The following SYCP2 variants were observed in gnomAD, a reference collection of about 807,000 sequenced individuals.
SYCP2 encodes synaptonemal complex protein 2, also known as synaptonemal complex lateral element protein.
SYCP2 carries 55 observed loss-of-function variants against 211.3 expected under a neutral mutation model. That is an observed-to-expected ratio of 0.26 (90% confidence interval 0.21 to 0.33). SYCP2 has a LOEUF of 0.33. Among genes scored for constraint, SYCP2 ranks in the 10% least tolerant of loss-of-function variants. The pLI is 1.00. For missense variants in SYCP2, 1,731 were observed against 1,752.0 expected, an observed-to-expected ratio of 0.99 and a Z score of 0.21; for synonymous variants, 570 against 555.2, an observed-to-expected ratio of 1.03 and a Z score of -0.37.
chr20:59,914,741 C>T (rs2060402044), intron 10 of SYCP2, among the ~76,000 whole-genome samples: 1 of 151,766 alleles, frequency 6.6e-6, no homozygotes, highest in Admixed American at 6.6e-5. Flanking sequence ...ACAAATCCAT[C>T]AATATGAAGA....
chr20:59,930,506 C>T (rs563039296), intron 2 of SYCP2, among the ~76,000 whole-genome samples: 19 of 152,194 alleles, frequency 1.2e-4, no homozygotes, highest in Non-Finnish European at 2.2e-4. Flanking sequence ...CATCTTCTTC[C>T]TTCTCTTTTT....
rs1444605068 is a variant in SYCP2 at position 59,898,290 on chromosome 20, T to C, written c.1405-1762A>G. Among the ~76,000 whole-genome samples the C allele has an allele frequency of 2.0e-5, 3 of 152,288 alleles. No homozygotes were observed. In the East Asian group the frequency reaches 5.8e-4, roughly 29 times the overall value. ...CACAGGTATGTTTATTGCAGCATTA[T>C]TCACAATAGCAAAGACTTAGAACCA... On this transcript the variant is annotated intron_variant, in intron 18 of 44. Transcript: ENST00000357552.
intron 31 of SYCP2, among the ~76,000 whole-genome samples, chr20:59,879,903 TAC>T (rs749399882): frequency 3.4e-5 from 5 of 147,026 alleles, no homozygotes; most frequent in African/African-American, 7.4e-5. Flanking sequence ...ATTTATTTTA[TAC>T]ACACACACAC....
At chr20:59,883,637 T>A (rs1209656537) in intron 26 of SYCP2, among the ~76,000 whole-genome samples, 11 of 143,172 alleles carry the variant, frequency 7.7e-5, no homozygotes, top group Admixed American at 3.5e-4. Flanking sequence ...TGTGGAATCT[T>A]AAAAAAAAAA....
intron 39 of SYCP2, among the ~76,000 whole-genome samples, 196 bp downstream of exon 39, chr20:59,867,515 A>G (rs551546078): frequency 6.6e-6 from 1 of 151,940 alleles, no homozygotes; most frequent in Admixed American, 6.6e-5. Context: ...AAATAGGACA[A>G]AAGAGAAAAA....
intron 13 of SYCP2, 191 bp downstream of exon 13, chr20:59,912,182 T>C: frequency 2.3e-6 from 1 of 436,510 alleles, no homozygotes; most frequent in South Asian, 3.1e-5. Flanking sequence ...TTTTCAGTTA[T>C]TCTTGGCAAT....
intron 7 of SYCP2, among the ~76,000 whole-genome samples, chr20:59,918,182 G>A (rs1329191589): frequency 6.6e-6 from 1 of 152,136 alleles, no homozygotes; most frequent in Non-Finnish European, 1.5e-5. Flanking sequence ...AACCTTTATT[G>A]CTGAATACTG....
rs1171439715 is a variant in SYCP2, at chr20:59,900,225, T to C, written c.1317A>G (p.Glu439=). ...PVGEELVSLK[E]KSKSPKEFAK... ...CAAATTCCTTTGGGGACTTTGATTT[T>C]TCCTTTAAACTAACGAGCTCTTCTC... The change falls in exon 18 of 45, where the codon GAA becomes GAG. Residue 439 remains glutamate, a synonymous_variant. Coordinates refer to ENST00000357552, the MANE Select transcript of SYCP2 (RefSeq NM_014258.4). 2 of 1,613,134 alleles carry C rather than the reference T, an allele frequency of 1.2e-6. No homozygotes were observed. The highest frequency in any genetic ancestry group is 3.3e-5 in the Admixed American group (2 of 59,906).
In SYCP2 at chr20:59,869,870, A is replaced by G. The variant is rs199772494; in HGVS notation, c.3669T>C (p.Tyr1223=). The G allele has an allele frequency of 2.4e-4, 380 of 1,607,680 alleles. 3 individuals carry two copies. In the East Asian group the frequency reaches 6.6e-3, roughly 28 times the overall value. The part of the protein sequence containing the change: ...NSNSYSDVSS[Y]SSEERFMEIE... ...TTTCCATAAACCGTTCTTCTGAACT[A>G]TAACTGCTTACATCTGAATAGCTGT... Residue 1223 remains tyrosine (Y), a synonymous_variant, in exon 36 of 45, where the codon TAT becomes TAC. Coordinates refer to ENST00000357552, the MANE Select transcript of SYCP2 (RefSeq NM_014258.4).
chr20:59,892,294 A>C lies in SYCP2; in HGVS notation c.2060T>G (p.Val687Gly). Reference sequence around the variant, plus strand: ...CTGATTGTGTTTCTTGCAAACTTCTACTTCTGCTTTATCTATTTTGATATG... The same window carrying C: ...CTGATTGTGTTTCTTGCAAACTTCTCCTTCTGCTTTATCTATTTTGATATG... ...TDHIKIDKAE[V>G]EVCKKHNQQQ... is the part of the protein sequence containing the mutation. Residue 687 changes from valine (V) to glycine (G), a missense_variant, in exon 24 of 45, where the codon GTA becomes GGA. By Grantham distance (109) the Val-to-Gly change is moderately radical. This residue lies in a region of SYCP2 where 1,387 missense variants were observed against 1,351.3 expected (regional missense o/e 1.03). Transcript: ENST00000357552. 2 of 1,612,410 alleles carry C rather than the reference A, an allele frequency of 1.2e-6. No homozygotes were observed. Among genetic ancestry groups the C allele is most frequent in the Non-Finnish European group, 1.7e-6 (2 of 1,179,160 alleles).
chr20:59,872,009 C>CA (rs771232985), intron 35 of SYCP2, among the ~76,000 whole-genome samples: 1 of 151,904 alleles, frequency 6.6e-6, no homozygotes, highest in Non-Finnish European at 1.5e-5. Context: ...TGTAGAAACT[C>CA]AGAGTTTTGA....
chr20:59,881,765 TTA>T (rs200044565), intron 28 of SYCP2, among the ~76,000 whole-genome samples, 178 bp downstream of exon 28: 79 of 146,786 alleles, frequency 5.4e-4, no homozygotes, highest in African/African-American at 1.9e-3. Flanking sequence ...AAACAAAAAT[TTA>T]AAAAAAAAAA....
At chr20:59,877,797 A>G (rs78319518) in intron 32 of SYCP2, among the ~76,000 whole-genome samples, 3,987 of 152,252 alleles carry the variant, frequency 0.026, 185 homozygotes, top group African/African-American at 0.091. Flanking sequence ...CTGAAGTAAA[A>G]GATTTTAAAA....
At chr20:59,904,596 T>C (rs2060179975) in intron 15 of SYCP2, among the ~76,000 whole-genome samples, 1 of 152,198 alleles carries the variant, frequency 6.6e-6, no homozygotes, top group Non-Finnish European at 1.5e-5. Flanking sequence ...TGTATATGCA[T>C]TATCTATCAT....
intron 6 of SYCP2, 102 bp from the exon 7 acceptor site, chr20:59,919,284 T>G (rs527569993): frequency 1.4e-6 from 1 of 713,126 alleles, no homozygotes; most frequent in South Asian, 1.8e-5. Flanking sequence ...ACAGATTACA[T>G]TTTAACTCAG....
In SYCP2 at chr20:59,916,564, T is replaced by C; in HGVS notation, c.435A>G (p.Lys145=). 1 of 1,593,382 alleles carries C rather than the reference T, an allele frequency of 6.3e-7. No individual in the cohort carries two copies. The highest frequency in any genetic ancestry group is 8.6e-7 in the Non-Finnish European group (1 of 1,161,320). ...GAGGTACGAAACTTTCCACTACTTG[T>C]TTTTTACCTGAATAAAAGTGTTAAA... is the stretch of plus-strand genomic sequence containing the variant. ...VIHDVSDEGK[K]QVVESFVPRI... is the part of the protein sequence containing the mutation. Residue 145 remains lysine, a synonymous_variant, in exon 8 of 45, where the codon AAA becomes AAG. Coordinates refer to ENST00000357552, the MANE Select transcript of SYCP2 (RefSeq NM_014258.4).
intron 26 of SYCP2, among the ~76,000 whole-genome samples, chr20:59,884,902 A>G (rs183310590): frequency 1.3e-3 from 204 of 151,984 alleles, no homozygotes; most frequent in Non-Finnish European, 2.5e-3. Flanking sequence ...AAAATTTAAA[A>G]GGTACCAAAA....
At chr20:59,893,266 A>G in intron 21 of SYCP2, 67 bp from the exon 22 acceptor site, 1 of 1,083,572 alleles carries the variant, frequency 9.2e-7, no homozygotes, top group East Asian at 2.5e-5. Context: ...TAGGGAGGTT[A>G]GTATAGAAAT....
chr20:59,904,936 C>G (rs977515800), intron 15 of SYCP2, among the ~76,000 whole-genome samples: 17 of 152,208 alleles, frequency 1.1e-4, no homozygotes, highest in South Asian at 4.1e-4. Flanking sequence ...CCTGAATTAA[C>G]AAGAGAAATT....
Sources: allele counts gnomAD v4.1 joint callset (sites outside exome capture counted in the v4.1 genomes callset), GRCh38; gene constraint gnomAD v4.1.1; regional missense constraint gnomAD v4.1.1; transcripts MANE v1.5; gene names NCBI Gene and HGNC (gene_info 2026-07-23, HGNC 2026-07-21).